Variants in NOP14 observed in about 807,000 individuals in gnomAD.
NOP14 encodes NOP14 nucleolar protein, also known as nucleolar protein 14.
Under a neutral mutation model 101.6 loss-of-function variants are expected in NOP14, and 57 were observed. The observed-to-expected ratio is 0.56, with a 90% CI of 0.45 to 0.70. NOP14 has a LOEUF of 0.70. NOP14 is among the 30% of genes least tolerant of loss of function. The pLI, the probability that NOP14 is intolerant of heterozygous loss-of-function variation, is 0.00. For synonymous variants in NOP14, 428 were observed against 424.0 expected, an observed-to-expected ratio of 1.01 and a Z score of -0.12; for missense variants, 1,134 against 1,075.5, an observed-to-expected ratio of 1.05 and a Z score of -0.76.
At chr4:2,948,217 G>T in intron 9 of NOP14, 61 bp downstream of exon 9, 1 of 1,514,256 alleles carries the variant, frequency 6.6e-7, no homozygotes, top group Non-Finnish European at 8.8e-7. Flanking sequence ...CACAATTCTG[G>T]CATTCATATA....
intron 11 of NOP14, 59 bp from the exon 12 acceptor site, chr4:2,945,288 T>G: frequency 7.8e-7 from 1 of 1,283,406 alleles, no homozygotes. Flanking sequence ...CCATATGCCC[T>G]CCCCGCAAAC....
chr4:2,938,698 G>A lies in NOP14; in HGVS notation c.*133C>T, dbSNP rs1387758384. The A allele has an allele frequency of 1.3e-5, 9 of 672,580 alleles. No homozygotes were observed. In the East Asian group the frequency reaches 1.9e-4, roughly 14 times the overall value. The allele number at this position is 672,580 out of a possible 1,614,324, so 41.7% of individuals were successfully genotyped here. On this transcript the variant is annotated 3_prime_UTR_variant, in exon 18 of 18. Coordinates refer to ENST00000416614, the MANE Select transcript of NOP14 (RefSeq NM_001291978.2). Reference sequence around the variant, plus strand: ...TTTTTATGTTTTTTTGGTAGAGACGGGGTCTTCCTGTGTTGCCCAGGCTGG... The same window carrying A: ...TTTTTATGTTTTTTTGGTAGAGACGAGGTCTTCCTGTGTTGCCCAGGCTGG...
chr4:2,947,192 T>C (rs1158633614), intron 10 of NOP14: 1 of 374,206 alleles, frequency 2.7e-6, no homozygotes, highest in East Asian at 6.0e-5. Flanking sequence ...GTGTCTACCG[T>C]GCTTTCCAAA....
chr4:2,941,247 G>A (rs569324116), intron 15 of NOP14: 18 of 270,124 alleles, frequency 6.7e-5, no homozygotes, highest in South Asian at 3.3e-4. Flanking sequence ...AAAACCCATC[G>A]GGACTGCAGA....
At chr4:2,945,487 G>C (rs576926727) in intron 11 of NOP14, among the ~76,000 whole-genome samples, 4 of 152,180 alleles carry the variant, frequency 2.6e-5, no homozygotes, top group African/African-American at 4.8e-5. Flanking sequence ...CTCAGATCAT[G>C]TTTTGGGGAG....
rs1363215836 is a variant in NOP14, at chr4:2,938,686, T to C, written c.*145A>G. The C allele has an allele frequency of 6.3e-6, 4 of 637,908 alleles. No individual in the cohort carries two copies. The highest frequency in any genetic ancestry group is 1.8e-5 in the African/African-American group (1 of 54,356). 39.5% of individuals were successfully genotyped at this position (637,908 alleles called of 1,614,324 possible). On this transcript the variant is annotated 3_prime_UTR_variant, in exon 18 of 18. Coordinates refer to ENST00000416614, the MANE Select transcript of NOP14 (RefSeq NM_001291978.2). ...ACACTTGGCTAATTTTTATGTTTTT[T>C]TGGTAGAGACGGGGTCTTCCTGTGT...
chr4:2,941,940 C>A, intron 14 of NOP14: 1 of 651,240 alleles, frequency 1.5e-6, no homozygotes. Flanking sequence ...GGAACCGCAG[C>A]GCCAGCTGGG....
intron 2 of NOP14, among the ~76,000 whole-genome samples, 196 bp from the exon 3 acceptor site, chr4:2,957,007 CT>C (rs908552068): frequency 6.6e-5 from 10 of 151,978 alleles, no homozygotes; most frequent in Non-Finnish European, 1.5e-4. Flanking sequence ...GAGGGTAATT[CT>C]TTTTTTTCCT....
intron 1 of NOP14, among the ~76,000 whole-genome samples, chr4:2,959,822 T>C (rs1022189049): frequency 5.9e-5 from 9 of 152,290 alleles, no homozygotes; most frequent in Admixed American, 1.3e-4. Context: ...CACCATTCTT[T>C]ATCCGCAGAG....
In NOP14 at chr4:2,942,292, A is replaced by T; in HGVS notation, c.1951T>A (p.Ser651Thr). ...LGKNSELLVVSAREDVATWQQ... is the reference protein window; with the variant it reads ...LGKNSELLVVTAREDVATWQQ... ...CACGTGGCCACATCCTCTCTAGCAGACACCACGAGCAGTTCCGAGTTCTTC... is the reference window on the plus strand; with the variant it reads ...CACGTGGCCACATCCTCTCTAGCAGTCACCACGAGCAGTTCCGAGTTCTTC... Residue 651 changes from serine to threonine, a missense_variant, in exon 14 of 18, where the codon TCT becomes ACT. Physicochemically the swap from Ser to Thr is moderately conservative, Grantham distance 58 (BLOSUM62 1). Coordinates refer to ENST00000416614, the MANE Select transcript of NOP14 (RefSeq NM_001291978.2). 6.2e-7 allele frequency: 1 copy of T among 1,614,144 alleles called. No homozygotes were observed.
intron 8 of NOP14, among the ~76,000 whole-genome samples, chr4:2,949,592 A>G (rs1714875551): frequency 6.6e-6 from 1 of 152,198 alleles, no homozygotes; most frequent in Non-Finnish European, 1.5e-5. Flanking sequence ...CCAGGTGGGA[A>G]CATGGAAGCC....
chr4:2,943,788 G>A (rs1714404544), intron 13 of NOP14, among the ~76,000 whole-genome samples: 1 of 152,216 alleles, frequency 6.6e-6, no homozygotes, highest in African/African-American at 2.4e-5. Flanking sequence ...AAGTATTTCT[G>A]ACACTAAGTC....
chr4:2,952,230 G>T, intron 6 of NOP14, 45 bp downstream of exon 6: 1 of 1,601,502 alleles, frequency 6.2e-7, no homozygotes. Context: ...AGGGGCTGTG[G>T]ACGGACAGCA....
At chr4:2,942,548 C>T (rs1401767843) in intron 13 of NOP14, among the ~76,000 whole-genome samples, 197 bp from the exon 14 acceptor site, 3 of 152,142 alleles carry the variant, frequency 2.0e-5, no homozygotes, top group African/African-American at 7.2e-5. Flanking sequence ...TGGCAGGGGG[C>T]GCGGTGAGAG....
At chr4:2,945,023 G>T in intron 12 of NOP14, 105 bp downstream of exon 12, 1 of 762,636 alleles carries the variant, frequency 1.3e-6, no homozygotes, top group Non-Finnish European at 2.2e-6. Context: ...GGTCTCTGCA[G>T]CCCTTAAACA....
intron 3 of NOP14, 151 bp downstream of exon 3, chr4:2,956,519 G>A: frequency 1.4e-6 from 1 of 720,410 alleles, no homozygotes. Flanking sequence ...CATAAAAACT[G>A]TCACTTGTGA....
intron 13 of NOP14, among the ~76,000 whole-genome samples, chr4:2,942,867 C>T (rs560246734): frequency 3.3e-5 from 5 of 152,224 alleles, no homozygotes; most frequent in South Asian, 2.1e-4. Context: ...TCACTCGCCA[C>T]GGAGAAGGGC....
chr4:2,944,305 G>T, intron 12 of NOP14, 79 bp from the exon 13 acceptor site: 1 of 1,354,052 alleles, frequency 7.4e-7, no homozygotes, highest in Non-Finnish European at 1.0e-6. Flanking sequence ...CTTCCCTGAT[G>T]AACCACGCAC....
intron 5 of NOP14, 141 bp downstream of exon 5, chr4:2,953,370 G>GT (rs1715150781): frequency 2.4e-6 from 2 of 822,582 alleles, no homozygotes; most frequent in Middle Eastern, 3.7e-4. Flanking sequence ...CACACAGCAG[G>GT]TAATTCAGTA....
Sources: allele counts gnomAD v4.1 joint callset (sites outside exome capture counted in the v4.1 genomes callset), GRCh38; gene constraint gnomAD v4.1.1; transcripts MANE v1.5; gene names NCBI Gene and HGNC (gene_info 2026-07-23, HGNC 2026-07-21).